Variants in CYP27C1 observed in about 807,000 individuals in gnomAD.
The protein encoded by CYP27C1 is cytochrome P450 family 27 subfamily C member 1, also known as cytochrome P450 27C1.
Under a neutral mutation model 40.6 loss-of-function variants are expected in CYP27C1, and 29 were observed. The ratio of observed to expected loss-of-function variants is 0.71; its 90% CI spans 0.53 to 0.97. The LOEUF is 0.97. CYP27C1 is among the 50% of genes least tolerant of loss of function. CYP27C1 has a pLI of 0.00. For missense variants in CYP27C1, 390 were observed against 485.8 expected, an observed-to-expected ratio of 0.80 and a Z score of 1.85; for synonymous variants, 198 against 186.8, an observed-to-expected ratio of 1.06 and a Z score of -0.49.
chr2:127,204,535 AAGAGAGAGAGAGAGAGAGAG>A (rs372686054), intron 2 of CYP27C1, among the ~76,000 whole-genome samples: 18 of 46,916 alleles, frequency 3.8e-4, no homozygotes, highest in Admixed American at 6.7e-4. Flanking sequence ...GAAAGAAAGA[AAGAGAGAGAGAGAGAGAGAG>A]AGAAAGAAAG....
intron 1 of CYP27C1, among the ~76,000 whole-genome samples, chr2:127,207,508 A>G (rs549355145): frequency 1.6e-4 from 25 of 152,194 alleles, no homozygotes; most frequent in African/African-American, 5.3e-4. Flanking sequence ...AAAAATACAT[A>G]TATATACAAA....
At chr2:127,193,351 C>T in intron 7 of CYP27C1, 54 bp from the exon 8 acceptor site, 1 of 1,603,718 alleles carries the variant, frequency 6.2e-7, no homozygotes. Context: ...CACTCAAGAG[C>T]AGGGCAGGGC....
rs750516592 is a variant in CYP27C1, at chr2:127,201,378, A to C, written c.674-47T>G. On this transcript the variant is annotated intron_variant, in intron 3 of 8. Coordinates refer to ENST00000664447, the MANE Select transcript of CYP27C1 (RefSeq NM_001367502.1). This position sits in a 1 kb window ranked among gnomAD's most constrained non-coding sequence, Gnocchi z 6.0. ...AAAACCCTCTTCTAGATTATTTACC[A>C]TACCAACAGGCAATGTTGGGCCATA... The C allele has an allele frequency of 1.3e-6, 2 of 1,568,694 alleles. No homozygotes were observed. Among genetic ancestry groups the C allele is most frequent in the South Asian group, 2.3e-5 (2 of 88,226 alleles).
chr2:127,211,370 T>G (rs1490352397), intron 1 of CYP27C1, among the ~76,000 whole-genome samples: 1 of 15,378 alleles, frequency 6.5e-5, no homozygotes, highest in East Asian at 0.013. Context: ...TGTTTTTTTG[T>G]TTTTTTTTTT....
rs1393767783 is a variant in CYP27C1 at position 127,201,849 on chromosome 2, C to T, written c.674-518G>A. On this transcript the variant is annotated intron_variant, in intron 3 of 8. Transcript: ENST00000664447. The surrounding 1 kb of genome is among the most constrained non-coding windows in gnomAD (Gnocchi z 6.0). ...GAATTGAAAAGTGACTCCTCCTGGC[C>T]AAAACGCAGAGCCCAGGCCTGGAGA... 1.3e-5 allele frequency among the ~76,000 whole-genome samples: 2 copies of T among 152,156 alleles called. No homozygotes were observed. The highest frequency in any genetic ancestry group is 4.8e-5 in the African/African-American group (2 of 41,436).
Position 127,185,717 on chromosome 2 carries a change from A to C in CYP27C1, c.*1554T>G, listed in dbSNP as rs1472988039. The stretch of plus-strand genomic sequence containing the variant: ...TATTTACTTAAGGGTTATTTTGCAG[A>C]GTGACTTACTAAATGGAAAAAAAAC... On this transcript the variant is annotated 3_prime_UTR_variant, in exon 9 of 9. Coordinates refer to ENST00000664447, the MANE Select transcript of CYP27C1 (RefSeq NM_001367502.1). The surrounding 1 kb of genome is among the most constrained non-coding windows in gnomAD (Gnocchi z 4.9). 1 of 152,200 alleles carries C rather than the reference A, an allele frequency of 6.6e-6. No homozygotes were observed. The highest frequency in any genetic ancestry group is 1.5e-5 in the Non-Finnish European group (1 of 68,044). 9.4% of individuals were successfully genotyped at this position (152,200 alleles called of 1,614,324 possible).
rs369379268 is a variant in CYP27C1, at chr2:127,187,231, G to A, written c.*40C>T. 9.3e-5 allele frequency: 140 copies of A among 1,511,584 alleles called. 1 individual carries two copies. Among genetic ancestry groups the A allele is most frequent in the Middle Eastern group, 7.0e-4 (4 of 5,696 alleles). 93.6% of individuals were successfully genotyped at this position (1,511,584 alleles called of 1,614,324 possible). A position where few individuals can be genotyped will look rare whatever the true frequency, so the allele number is the denominator to read the frequency against. ...ACACAAATACCCACTGTGTGTCGGCGAGCTGGTCTGCTACATCAGCCCAGG... is the reference window on the plus strand; with the variant it reads ...ACACAAATACCCACTGTGTGTCGGCAAGCTGGTCTGCTACATCAGCCCAGG... On this transcript the variant is annotated 3_prime_UTR_variant, in exon 9 of 9. Transcript: ENST00000664447.
chr2:127,192,467 G>C (rs1280820493), intron 8 of CYP27C1, among the ~76,000 whole-genome samples: 1 of 152,246 alleles, frequency 6.6e-6, no homozygotes, highest in East Asian at 1.9e-4. Context: ...TGCAAACCCA[G>C]AATTATGTAT....
intron 3 of CYP27C1, among the ~76,000 whole-genome samples, chr2:127,202,895 G>A (rs1683069082): frequency 6.6e-6 from 1 of 152,164 alleles, no homozygotes; most frequent in African/African-American, 2.4e-5. Flanking sequence ...TCAGCCAGGT[G>A]CAGTGGCTCA....
At chr2:127,206,217 T>C (rs1288895883) in intron 1 of CYP27C1, among the ~76,000 whole-genome samples, 127 bp from the exon 2 acceptor site, 1 of 152,264 alleles carries the variant, frequency 6.6e-6, no homozygotes, top group Non-Finnish European at 1.5e-5. Flanking sequence ...AACACAGCAC[T>C]GAATCAGAGC....
Position 127,187,076 on chromosome 2 carries a change from C to T in CYP27C1, c.*195G>A. 1 of 566,430 alleles carries T rather than the reference C, an allele frequency of 1.8e-6. No individual in the cohort carries two copies. Among genetic ancestry groups the T allele is most frequent in the East Asian group, 2.9e-5 (1 of 34,676 alleles). The allele number at this position is 566,430 out of a possible 1,614,324, so 35.1% of individuals were successfully genotyped here. A position where few individuals can be genotyped will look rare whatever the true frequency, so the allele number is the denominator to read the frequency against. On this transcript the variant is annotated 3_prime_UTR_variant, in exon 9 of 9. Coordinates refer to ENST00000664447, the MANE Select transcript of CYP27C1 (RefSeq NM_001367502.1). ...CAAAGAAAGGGCAACTTCTGGTATG[C>T]ACCAGTAAAATAGCAACCTTTTTAC...
chr2:127,215,431 A>G (rs1683413319), intron 1 of CYP27C1, among the ~76,000 whole-genome samples: 1 of 152,224 alleles, frequency 6.6e-6, no homozygotes, highest in Non-Finnish European at 1.5e-5. Context: ...CTTAGAAGAA[A>G]ACATAAGGGT....
intron 1 of CYP27C1, among the ~76,000 whole-genome samples, chr2:127,214,449 G>C (rs970640920): frequency 5.3e-5 from 8 of 152,170 alleles, no homozygotes; most frequent in African/African-American, 1.9e-4. Context: ...ACTGGTTAAA[G>C]AAAATGTGGC....
At chr2:127,206,289 CCGTT>C (rs1054695871) in intron 1 of CYP27C1, among the ~76,000 whole-genome samples, 199 bp from the exon 2 acceptor site, 3 of 114,110 alleles carry the variant, frequency 2.6e-5, no homozygotes, top group Non-Finnish European at 3.8e-5. Flanking sequence ...TTTGTTGTTT[CCGTT>C]TGTTTGTTTG....
intron 4 of CYP27C1, 104 bp from the exon 5 acceptor site, chr2:127,199,643 G>A: frequency 1.6e-6 from 2 of 1,255,790 alleles, no homozygotes; most frequent in Non-Finnish European, 2.2e-6. Flanking sequence ...ACCAGTGGCA[G>A]GTGACAGAGG....
chr2:127,219,384 C>T lies in CYP27C1; in HGVS notation c.282+605G>A, dbSNP rs554877646. On this transcript the variant is annotated intron_variant, in intron 1 of 8. Transcript: ENST00000664447. The surrounding 1 kb of genome is among the most constrained non-coding windows in gnomAD (Gnocchi z 8.7). ...TCAGCCCTGGTGCCCTCCCCGCAGT[C>T]CCATTCCTGGTTTCCCTTCGCGGCG... is the stretch of plus-strand genomic sequence containing the variant. Among the ~76,000 whole-genome samples the T allele has an allele frequency of 1.1e-3, 160 of 152,118 alleles. No individual in the cohort carries two copies. Among genetic ancestry groups the T allele is most frequent in the Middle Eastern group, 6.8e-3 (2 of 294 alleles).
Position 127,193,812 on chromosome 2 carries a change from C to A in CYP27C1, c.1270G>T (p.Gly424Cys). 1 of 1,614,202 alleles carries A rather than the reference C, an allele frequency of 6.2e-7. No individual in the cohort carries two copies. Among genetic ancestry groups the A allele is most frequent in the Non-Finnish European group, 8.5e-7 (1 of 1,180,020 alleles). Residue 424 changes from glycine (G) to cysteine (C), a missense_variant, in exon 7 of 9, where the codon GGC (glycine) becomes TGC (cysteine). Gly to Cys is a radical substitution (Grantham distance 159). Transcript: ENST00000664447. ...GRVTQEDLVI[G>C]GYLIPKGTQL... ...ACGCCTTTCGGAATCAGATACCCGC[C>A]AATAACCAGGTCTTCCTGGGTGACC...
Position 127,195,394 on chromosome 2 carries a change from T to G in CYP27C1, c.1155A>C (p.Pro385=), listed in dbSNP as rs147287859. ...IVKNLGERHV[P]TAADVPKVPL... The stretch of plus-strand genomic sequence containing the variant: ...GGACCTTGGGGACATCAGCTGCAGT[T>G]GGAACATGCCTTTCCCCTAAATTCT... Residue 385 remains proline, a synonymous_variant, in exon 6 of 9, where the codon CCA becomes CCC. Transcript: ENST00000664447. The surrounding 1 kb of genome is among the most constrained non-coding windows in gnomAD (Gnocchi z 6.2). 1.2e-6 allele frequency: 2 copies of G among 1,614,150 alleles called. No homozygotes were observed. The highest frequency in any genetic ancestry group is 1.7e-6 in the Non-Finnish European group (2 of 1,180,032).
At chr2:127,214,628 A>G (rs1283290858) in intron 1 of CYP27C1, among the ~76,000 whole-genome samples, 1 of 152,100 alleles carries the variant, frequency 6.6e-6, no homozygotes, top group Non-Finnish European at 1.5e-5. Flanking sequence ...TTGAGAACAC[A>G]TGAACACAGA....
Sources: gnomAD v4.1 joint callset for allele counts (sites outside exome capture counted in the v4.1 genomes callset) on GRCh38, gnomAD v4.1.1 for gene constraint, Gnocchi (gnomAD v3.1) non-coding constraint, MANE v1.5 for transcripts, NCBI Gene and HGNC (gene_info 2026-07-23, HGNC 2026-07-21) for gene names.